The following EYS variants were observed in gnomAD, a reference collection of about 807,000 sequenced individuals.
EYS encodes the protein EGF-like photoreceptor maintenance factor, also known as protein eyes shut homolog.
A neutral mutation model predicts 282.1 loss-of-function variants in EYS; 250 were observed. The observed-to-expected ratio is 0.89, with a 90% CI of 0.80 to 0.98. EYS has a LOEUF of 0.98. Ranked by LOEUF, EYS falls within the 50% of genes least tolerant of loss-of-function variation. The probability of loss-of-function intolerance (pLI) is 0.00; values close to 1 mark genes in which losing one functional copy is unlikely to be tolerated. For missense variants in EYS, 4,016 were observed against 3,709.0 expected (o/e 1.08, Z -2.15); for synonymous variants, 1,355 against 1,282.9 (o/e 1.06, Z -1.20).
At chr6:64,473,677 T>C (rs576009244) in intron 26 of EYS, among the ~76,000 whole-genome samples, 5 of 152,332 alleles carry the variant, frequency 3.3e-5, no homozygotes, top group Admixed American at 6.5e-5. Flanking sequence ...GTTAGAATGA[T>C]AGAAGCCATT....
chr6:64,477,610 G>A (rs1021409646), intron 26 of EYS, among the ~76,000 whole-genome samples: 1 of 152,032 alleles, frequency 6.6e-6, no homozygotes, highest in African/African-American at 2.4e-5. Flanking sequence ...TGTGTCAAAG[G>A]AGATGTATCT....
At chr6:63,818,396 G>GT (rs901491875) in intron 36 of EYS, among the ~76,000 whole-genome samples, 32 of 151,742 alleles carry the variant, frequency 2.1e-4, no homozygotes, top group Non-Finnish European at 3.1e-4. Flanking sequence ...GAAAGATGTA[G>GT]TTTTTTTTTC....
chr6:65,628,290 C>G (rs1766789872), intron 2 of EYS, among the ~76,000 whole-genome samples: 1 of 152,148 alleles, frequency 6.6e-6, no homozygotes, highest in South Asian at 2.1e-4. Flanking sequence ...AACTCTGTAT[C>G]TAACTAATCT....
intron 24 of EYS, among the ~76,000 whole-genome samples, chr6:64,610,767 T>C (rs1393058341): frequency 2.6e-5 from 4 of 152,222 alleles, no homozygotes; most frequent in African/African-American, 7.2e-5. Flanking sequence ...GCAACTTATT[T>C]TAAATATTCT....
intron 31 of EYS, among the ~76,000 whole-genome samples, chr6:64,192,377 T>C (rs952752965): frequency 2.6e-5 from 4 of 152,206 alleles, no homozygotes; most frequent in Non-Finnish European, 5.9e-5. Context: ...CCATTGCTTT[T>C]GGTGTTTTAG....
chr6:64,019,826 A>ATATATATATATATGTATATATAAG (rs1408320763), intron 33 of EYS, among the ~76,000 whole-genome samples: 4 of 136,676 alleles, frequency 2.9e-5, no homozygotes, highest in Non-Finnish European at 6.2e-5. Context: ...ATATATAAGT[A>ATATATATATATATGTATATATAAG]TATATATATA....
rs1768038062 is a variant in EYS, at chr6:64,912,673, A to G, written c.2452T>C (p.Cys818Arg). ...TCATGACAAAGACCTCCATTCATGCATGGATCAGAGTCGCATTCATTTATT... is the reference window on the plus strand; with the variant it reads ...TCATGACAAAGACCTCCATTCATGCGTGGATCAGAGTCGCATTCATTTATT... The part of the protein sequence containing the change: ...EEINECDSDP[C>R]MNGGLCHEST... The change falls in exon 16 of 43, where the codon TGC becomes CGC. Residue 818 changes from cysteine (C) to arginine (R), a missense_variant. Transcript: ENST00000503581. 4 of 1,544,542 alleles carry G rather than the reference A, an allele frequency of 2.6e-6. No homozygotes were observed. The highest frequency in any genetic ancestry group is 3.5e-6 in the Non-Finnish European group (4 of 1,141,944).
At chr6:65,205,642 T>A (rs1179667875) in intron 12 of EYS, among the ~76,000 whole-genome samples, 7 of 151,842 alleles carry the variant, frequency 4.6e-5, no homozygotes, top group African/African-American at 1.4e-4. Flanking sequence ...ATATGCTTGG[T>A]CATAAAGCAT....
At chr6:64,046,885 G>GT (rs1414902967) in intron 33 of EYS, among the ~76,000 whole-genome samples, 1 of 152,114 alleles carries the variant, frequency 6.6e-6, no homozygotes, top group African/African-American at 2.4e-5. Flanking sequence ...CATTCTCTTT[G>GT]AAGTTTGTAG....
chr6:65,008,137 G>A (rs561485709), intron 13 of EYS, among the ~76,000 whole-genome samples: 6 of 152,262 alleles, frequency 3.9e-5, no homozygotes, highest in South Asian at 4.2e-4. Flanking sequence ...GCTAACTTGC[G>A]TGCTAGAAGG....
At chr6:65,427,934 T>C (rs999216012) in intron 5 of EYS, among the ~76,000 whole-genome samples, 5 of 152,034 alleles carry the variant, frequency 3.3e-5, no homozygotes, top group Non-Finnish European at 5.9e-5. Flanking sequence ...AAAGTATACA[T>C]GATACATTCT....
chr6:65,326,254 A>G (rs1464102926), intron 11 of EYS, among the ~76,000 whole-genome samples: 2 of 151,896 alleles, frequency 1.3e-5, no homozygotes, highest in Non-Finnish European at 2.9e-5. Flanking sequence ...TCCTCATTTT[A>G]AGATATACAA....
chr6:64,928,156 A>G (rs574607347), intron 15 of EYS, among the ~76,000 whole-genome samples: 58 of 152,178 alleles, frequency 3.8e-4, no homozygotes, highest in African/African-American at 1.4e-3. Context: ...TGAAAAGTCT[A>G]TTTCTCTAAA....
intron 5 of EYS, among the ~76,000 whole-genome samples, chr6:65,463,759 T>C (rs952628686): frequency 2.0e-5 from 3 of 152,110 alleles, no homozygotes; most frequent in Admixed American, 6.6e-5. Flanking sequence ...GTCTTGAACA[T>C]TGAGATATAC....
At chr6:65,181,514 T>A (rs1040576336) in intron 12 of EYS, among the ~76,000 whole-genome samples, 2 of 152,088 alleles carry the variant, frequency 1.3e-5, no homozygotes, top group Admixed American at 6.6e-5. Flanking sequence ...TGAGATATCA[T>A]CTCACACCAG....
chr6:64,692,977 CTTTTTTTT>C (rs67700846), intron 22 of EYS, among the ~76,000 whole-genome samples: 1 of 11,500 alleles, frequency 8.7e-5, no homozygotes, highest in Non-Finnish European at 1.6e-4. Flanking sequence ...GCTGCTTGGG[CTTTTTTTT>C]TTTTTTTTTT....
chr6:65,512,999 A>G (rs1024464543), intron 2 of EYS, among the ~76,000 whole-genome samples: 6 of 152,106 alleles, frequency 3.9e-5, no homozygotes, highest in Non-Finnish European at 5.9e-5. Context: ...ATGAATCCAC[A>G]AGCTGGTTTT....
intron 12 of EYS, among the ~76,000 whole-genome samples, chr6:65,167,612 A>C (rs1274554505): frequency 6.6e-6 from 1 of 151,260 alleles, no homozygotes; most frequent in Non-Finnish European, 1.5e-5. Context: ...GGATAGGAAT[A>C]AAGATAGATA....
At chr6:65,272,911 A>G (rs976156918) in intron 12 of EYS, among the ~76,000 whole-genome samples, 10 of 152,300 alleles carry the variant, frequency 6.6e-5, no homozygotes, top group Non-Finnish European at 8.8e-5. Context: ...GCCTACCATA[A>G]GCATGTGTGC....
Sources: gnomAD v4.1 joint callset for allele counts (sites outside exome capture counted in the v4.1 genomes callset) on GRCh38, gnomAD v4.1.1 for gene constraint, MANE v1.5 for transcripts, NCBI Gene and HGNC (gene_info 2026-07-23, HGNC 2026-07-21) for gene names.